The following TNFAIP3 variants were observed in gnomAD, a reference collection of about 807,000 sequenced individuals.
The protein encoded by TNFAIP3 is tumor necrosis factor alpha-induced protein 3.
Under a neutral mutation model 72.4 loss-of-function variants are expected in TNFAIP3, and 9 were observed. The observed-to-expected ratio is 0.12, with a 90% CI of 0.07 to 0.22. TNFAIP3 has a LOEUF of 0.22. Among genes scored for constraint, TNFAIP3 ranks in the 10% least tolerant of loss-of-function variants. The pLI, the probability that TNFAIP3 is intolerant of heterozygous loss-of-function variation, is 1.00. For missense variants in TNFAIP3, 833 were observed against 1,018.7 expected, an observed-to-expected ratio of 0.82 and a Z score of 2.48; for synonymous variants, 339 against 372.6, an observed-to-expected ratio of 0.91 and a Z score of 1.04.
rs530062498 is a variant in TNFAIP3 at position 137,881,485 on chromosome 6, G to A, written c.*166G>A. On this transcript the variant is annotated 3_prime_UTR_variant, in exon 9 of 9. Transcript: ENST00000612899. This position sits in a 1 kb window ranked among gnomAD's most constrained non-coding sequence, Gnocchi z 5.0. ...CGTGGTGCCCACGATGCTCAGGTTTGGTAACCCGGGAGTGTTCCCAGGTGG... is the reference window on the plus strand; with the variant it reads ...CGTGGTGCCCACGATGCTCAGGTTTAGTAACCCGGGAGTGTTCCCAGGTGG... 6 of 589,862 alleles carry A rather than the reference G, an allele frequency of 1.0e-5. No individual in the cohort carries two copies. The South Asian group carries it at 1.8e-4, about 18-fold the overall frequency. The allele number at this position is 589,862 out of a possible 1,614,324, so 36.5% of individuals were successfully genotyped here.
intron 8 of TNFAIP3, among the ~76,000 whole-genome samples, chr6:137,880,821 C>T (rs1412723171): frequency 6.6e-6 from 1 of 152,142 alleles, no homozygotes; most frequent in Non-Finnish European, 1.5e-5. Context: ...CCTCAGCCTC[C>T]CTGGGGGCCA....
At chr6:137,872,331 T>A (rs1224660748) in intron 2 of TNFAIP3, among the ~76,000 whole-genome samples, 3 of 152,182 alleles carry the variant, frequency 2.0e-5, no homozygotes, top group African/African-American at 7.2e-5. Flanking sequence ...TCTATGGATG[T>A]GCATAATTAT....
Position 137,878,635 on chromosome 6 carries a change from C to G in TNFAIP3, c.1190C>G (p.Ser397Cys), listed in dbSNP as rs1485528552. 1.2e-6 allele frequency: 2 copies of G among 1,614,214 alleles called. No individual in the cohort carries two copies. Among genetic ancestry groups the G allele is most frequent in the Non-Finnish European group, 1.7e-6 (2 of 1,180,040 alleles). The change falls in exon 7 of 9, where the codon TCT (serine) becomes TGT (cysteine). Residue 397 changes from serine to cysteine, a missense_variant. This residue lies in a region of TNFAIP3 where 587 missense variants were observed against 657.8 expected (regional missense o/e 0.89). Coordinates refer to ENST00000612899, the MANE Select transcript of TNFAIP3 (RefSeq NM_001270508.2). ...ACGCCCAACTGCCCCTTCTTCATGT[C>G]TGTGAACACCCAGCCTTTATGCCAT... The part of the protein sequence containing the change: ...CETPNCPFFM[S>C]VNTQPLCHEC...
intron 8 of TNFAIP3, 75 bp downstream of exon 8, chr6:137,880,327 T>G (rs1266249790): frequency 1.1e-5 from 16 of 1,504,132 alleles, no homozygotes; most frequent in Admixed American, 1.7e-5. Context: ...CTACCGACAG[T>G]GACAAGCAGG....
At position 137,882,066 on chromosome 6, in the gene TNFAIP3, A is replaced by G; in HGVS notation, c.*747A>G. On this transcript the variant is annotated 3_prime_UTR_variant, in exon 9 of 9. Coordinates refer to ENST00000612899, the MANE Select transcript of TNFAIP3 (RefSeq NM_001270508.2). ...TTGGGTTATTACTGTCTTTACTTCT[A>G]AAGAAGTTAGCTTGAACTGAGGAGT... 1 of 231,418 alleles carries G rather than the reference A, an allele frequency of 4.3e-6. No individual in the cohort carries two copies. Among genetic ancestry groups the G allele is most frequent in the Non-Finnish European group, 8.6e-6 (1 of 116,840 alleles). 14.3% of individuals were successfully genotyped at this position (231,418 alleles called of 1,614,324 possible).
At chr6:137,866,773 A>C (rs1775847500), upstream of TNFAIP3, 1 of 152,390 alleles carries the variant, frequency 6.6e-6, no homozygotes, top group African/African-American at 2.4e-5. Context: ...CAAACTTTTC[A>C]GAGCCGGCCC....
rs372444952 is a variant in TNFAIP3, at chr6:137,871,069, C to T, written c.-15-144C>T. The T allele has an allele frequency of 2.8e-5, 19 of 680,666 alleles. No homozygotes were observed. Among genetic ancestry groups the T allele is most frequent in the South Asian group, 8.4e-5 (4 of 47,690 alleles). The allele number at this position is 680,666 out of a possible 1,614,324, so 42.2% of individuals were successfully genotyped here. On this transcript the variant is annotated intron_variant, in intron 1 of 8. Transcript: ENST00000612899. The surrounding 1 kb of genome is among the most constrained non-coding windows in gnomAD (Gnocchi z 4.2). ...TAATCTCTGGGGCCAGCTAGTATCC[C>T]GGGAGTAGAGGTGCTAAGATCTTTT...
intron 5 of TNFAIP3, among the ~76,000 whole-genome samples, chr6:137,876,594 G>C (rs1776257083): frequency 6.6e-6 from 1 of 152,200 alleles, no homozygotes; most frequent in South Asian, 2.1e-4. Context: ...GAGCCACCAT[G>C]CCTGGCCTGT....
intron 2 of TNFAIP3, among the ~76,000 whole-genome samples, chr6:137,872,797 T>A (rs948145505): frequency 6.6e-6 from 1 of 152,220 alleles, no homozygotes; most frequent in African/African-American, 2.4e-5. Flanking sequence ...TGACAATTTG[T>A]GGTTTTAATC....
rs1776495874 is a variant in TNFAIP3 at position 137,882,498 on chromosome 6, G to A, written c.*1179G>A. On this transcript the variant is annotated 3_prime_UTR_variant, in exon 9 of 9. Coordinates refer to ENST00000612899, the MANE Select transcript of TNFAIP3 (RefSeq NM_001270508.2). ...TTGCCTCCCCAGGAAAGAAGGAATT[G>A]CATCCAAGGTATACATACATATTCA... 1 of 232,374 alleles carries A rather than the reference G, an allele frequency of 4.3e-6. No homozygotes were observed. Among genetic ancestry groups the A allele is most frequent in the South Asian group, 1.8e-4 (1 of 5,526 alleles). 14.4% of individuals were successfully genotyped at this position (232,374 alleles called of 1,614,324 possible). A position where few individuals can be genotyped will look rare whatever the true frequency, so the allele number is the denominator to read the frequency against.
At position 137,879,309 on chromosome 6, in the gene TNFAIP3, G is replaced by T. The variant is rs1356553444; in HGVS notation, c.1864G>T (p.Gly622Cys). 2 of 1,614,176 alleles carry T rather than the reference G, an allele frequency of 1.2e-6. No individual in the cohort carries two copies. The highest frequency in any genetic ancestry group is 1.7e-6 in the Non-Finnish European group (2 of 1,180,040). The part of the protein sequence containing the change: ...CVYFGTPENK[G>C]FCTLCFIEYR... ...GTATTTTGGGACTCCAGAAAACAAG[G>T]GCTTTTGCACACTGTGTTTCATCGA... The change falls in exon 7 of 9, where the codon GGC (glycine) becomes TGC (cysteine). Residue 622 changes from glycine (G) to cysteine (C), a missense_variant. By Grantham distance (159) the Gly-to-Cys change is radical. Around this residue, in one of 2 missense-constraint regions of TNFAIP3, gnomAD observed 587 missense variants for 657.8 expected, o/e 0.89. Coordinates refer to ENST00000612899, the MANE Select transcript of TNFAIP3 (RefSeq NM_001270508.2).
chr6:137,879,065 C>T lies in TNFAIP3; in HGVS notation c.1620C>T (p.Phe540=), dbSNP rs766400086. 7 of 1,614,232 alleles carry T rather than the reference C, an allele frequency of 4.3e-6. No homozygotes were observed. The highest frequency in any genetic ancestry group is 5.1e-6 in the Non-Finnish European group (6 of 1,180,040). ...TTAATGGGATCTGCAGTACTTGCTT[C>T]AAAAGGACTACAGCAGAGGCCTCCT... ...RTFNGICSTC[F]KRTTAEASSS... The change falls in exon 7 of 9, where the codon TTC becomes TTT. Residue 540 remains phenylalanine (F), a synonymous_variant. Coordinates refer to ENST00000612899, the MANE Select transcript of TNFAIP3 (RefSeq NM_001270508.2).
chr6:137,879,080 A>G lies in TNFAIP3; in HGVS notation c.1635A>G (p.Ala545=). ...ICSTCFKRTT[A]EASSSLSTSL... is the part of the protein sequence containing the mutation. ...GTACTTGCTTCAAAAGGACTACAGC[A>G]GAGGCCTCCTCCAGCCTCAGCACCA... Residue 545 remains alanine, a synonymous_variant, in exon 7 of 9, where the codon GCA becomes GCG. Coordinates refer to ENST00000612899, the MANE Select transcript of TNFAIP3 (RefSeq NM_001270508.2). 3 of 1,614,216 alleles carry G rather than the reference A, an allele frequency of 1.9e-6. No individual in the cohort carries two copies. The highest frequency in any genetic ancestry group is 2.5e-6 in the Non-Finnish European group (3 of 1,180,034).
In TNFAIP3 at chr6:137,871,361, G is replaced by A. The variant is rs1422470027; in HGVS notation, c.134G>A (p.Arg45Gln). Residue 45 changes from arginine (R) to glutamine (Q), a missense_variant, in exon 2 of 9, where the codon CGA becomes CAA. Arg to Gln is a conservative substitution (Grantham distance 43). This residue lies in a region of TNFAIP3 where 246 missense variants were observed against 360.9 expected (regional missense o/e 0.68). Coordinates refer to ENST00000612899, the MANE Select transcript of TNFAIP3 (RefSeq NM_001270508.2). The surrounding 1 kb of genome is among the most constrained non-coding windows in gnomAD (Gnocchi z 4.2). ...GIIHHFKTMH[R>Q]YTLEMFRTCQ... is the part of the protein sequence containing the mutation. ...ATTCATCATTTTAAAACCATGCACC[G>A]ATACACACTGGAAATGTTCAGAACT... 24 of 1,613,980 alleles carry A rather than the reference G, an allele frequency of 1.5e-5. No individual in the cohort carries two copies. The highest frequency in any genetic ancestry group is 2.2e-5 in the East Asian group (1 of 44,900).
rs186585061 is a variant in TNFAIP3, at chr6:137,868,389, G to A, written c.-16+847G>A. Among the ~76,000 whole-genome samples, 962 of 152,254 alleles carry A rather than the reference G, an allele frequency of 6.3e-3. 23 individuals carry two copies. The highest frequency in any genetic ancestry group is 0.045 in the Admixed American group (690 of 15,302). Reference sequence around the variant, plus strand: ...TGTTAATTAAAGGGACTTCTGGACCGCAACCTTAATGTACCAGATTATTGA... The same window carrying A: ...TGTTAATTAAAGGGACTTCTGGACCACAACCTTAATGTACCAGATTATTGA... On this transcript the variant is annotated intron_variant, in intron 1 of 8. Transcript: ENST00000612899.
Position 137,878,630 on chromosome 6 carries a change from C to A in TNFAIP3, c.1185C>A (p.Phe395Leu). ...GTGAAACGCCCAACTGCCCCTTCTTCATGTCTGTGAACACCCAGCCTTTAT... is the reference window on the plus strand; with the variant it reads ...GTGAAACGCCCAACTGCCCCTTCTTAATGTCTGTGAACACCCAGCCTTTAT... ...VKCETPNCPF[F>L]MSVNTQPLCH... Residue 395 changes from phenylalanine (F) to leucine (L), a missense_variant, in exon 7 of 9, where the codon TTC (phenylalanine) becomes TTA (leucine). By Grantham distance (22) the Phe-to-Leu change is conservative (BLOSUM62 0). Around this residue, in one of 2 missense-constraint regions of TNFAIP3, gnomAD observed 587 missense variants for 657.8 expected, o/e 0.89. Transcript: ENST00000612899. 6.2e-7 allele frequency: 1 copy of A among 1,614,258 alleles called. No homozygotes were observed. Among genetic ancestry groups the A allele is most frequent in the Non-Finnish European group, 8.5e-7 (1 of 1,180,056 alleles).
At position 137,877,833 on chromosome 6, in the gene TNFAIP3, T is replaced by C. The variant is rs142685106; in HGVS notation, c.986+577T>C. On this transcript the variant is annotated intron_variant, in intron 6 of 8. Transcript: ENST00000612899. ...CTGAGCACTTGAAACGCACAACAGA[T>C]GACAAGGAAGCCGTAAGAGAATCTG... Among the ~76,000 whole-genome samples the C allele has an allele frequency of 1.5e-4, 23 of 152,314 alleles. No individual in the cohort carries two copies. The East Asian group carries it at 2.5e-3, about 17-fold the overall frequency.
rs2114502128 is a variant in TNFAIP3 at position 137,878,982 on chromosome 6, A to G, written c.1537A>G (p.Thr513Ala). 1.9e-6 allele frequency: 3 copies of G among 1,614,180 alleles called. No individual in the cohort carries two copies. The highest frequency in any genetic ancestry group is 2.5e-6 in the Non-Finnish European group (3 of 1,180,028). Residue 513 changes from threonine (T) to alanine (A), a missense_variant, in exon 7 of 9, where the codon ACA (threonine) becomes GCA (alanine). Thr to Ala is a moderately conservative substitution (Grantham distance 58). Transcript: ENST00000612899. Reference sequence around the variant, plus strand: ...TCACGCCAGCCACGCCCCAGACCACACAAGGCACTTGGATCCCGGGAAGTG... The same window carrying G: ...TCACGCCAGCCACGCCCCAGACCACGCAAGGCACTTGGATCCCGGGAAGTG... ...QLHASHAPDHTRHLDPGKCQA... is the reference protein window; with the variant it reads ...QLHASHAPDHARHLDPGKCQA...
intron 5 of TNFAIP3, 54 bp from the exon 6 acceptor site, chr6:137,877,022 T>C: frequency 7.5e-7 from 1 of 1,329,046 alleles, no homozygotes; most frequent in Non-Finnish European, 1.0e-6. Context: ...TCTACTTACC[T>C]ATGGCCTTGT....
Sources: allele counts gnomAD v4.1 joint callset (sites outside exome capture counted in the v4.1 genomes callset), GRCh38; gene constraint gnomAD v4.1.1; regional missense constraint gnomAD v4.1.1; non-coding constraint Gnocchi (gnomAD v3.1); transcripts MANE v1.5; gene names NCBI Gene and HGNC (gene_info 2026-07-23, HGNC 2026-07-21).